Variants in STPG2 observed in about 807,000 individuals in gnomAD.
The protein encoded by STPG2 is sperm tail PG-rich repeat containing 2.
STPG2 carries 56 observed loss-of-function variants against 54.2 expected under a neutral mutation model. That is an observed-to-expected ratio of 1.03 (90% CI 0.83 to 1.29). The LOEUF (loss-of-function observed/expected upper bound fraction) is 1.29. STPG2 is among the 50% of genes most tolerant of loss of function. The pLI is 0.00. For missense variants in STPG2, 596 were observed against 544.9 expected, an observed-to-expected ratio of 1.09 and a Z score of -0.93; for synonymous variants, 200 against 181.8, an observed-to-expected ratio of 1.10 and a Z score of -0.81.
At chr4:97,880,288 A>C (rs1351103302) in intron 8 of STPG2, among the ~76,000 whole-genome samples, 1 of 152,206 alleles carries the variant, frequency 6.6e-6, no homozygotes, top group Non-Finnish European at 1.5e-5. Flanking sequence ...GGTTCATTTG[A>C]AGCTTCTCAT....
At chr4:97,688,626 A>C (rs1723272652) in intron 10 of STPG2, among the ~76,000 whole-genome samples, 1 of 152,114 alleles carries the variant, frequency 6.6e-6, no homozygotes, top group African/African-American at 2.4e-5. Context: ...CAAAGTTTTT[A>C]ATAAGATCTT....
chr4:98,073,327 C>G (rs1432302780), intron 5 of STPG2, among the ~76,000 whole-genome samples: 1 of 152,122 alleles, frequency 6.6e-6, no homozygotes, highest in Non-Finnish European at 1.5e-5. Context: ...AGGCACTATG[C>G]TAGAATTTTC....
At chr4:98,101,996 T>C (rs980749529) in intron 5 of STPG2, among the ~76,000 whole-genome samples, 2 of 152,106 alleles carry the variant, frequency 1.3e-5, no homozygotes, top group Admixed American at 1.3e-4. Context: ...AGCCCTACAA[T>C]ACAGGTTTCT....
chr4:97,479,617 G>A (rs1244173709), intron 4 of STPG2, among the ~76,000 whole-genome samples: 1 of 151,862 alleles, frequency 6.6e-6, no homozygotes, highest in Admixed American at 6.6e-5. Flanking sequence ...GAGTCATTAA[G>A]ACATTCCACA....
chr4:97,681,299 C>T (rs182744913), intron 10 of STPG2, among the ~76,000 whole-genome samples: 5 of 151,470 alleles, frequency 3.3e-5, no homozygotes, highest in East Asian at 1.9e-4. Flanking sequence ...ATTTTATGTT[C>T]GATATAGAAC....
At chr4:97,821,378 G>T (rs1256016037) in intron 9 of STPG2, among the ~76,000 whole-genome samples, 1 of 152,184 alleles carries the variant, frequency 6.6e-6, no homozygotes, top group African/African-American at 2.4e-5. Context: ...GCAGGATACA[G>T]CCCCTGCAAC....
chr4:97,675,974 AATATACTATATATATAAAACATAT>A (rs1722828612), intron 10 of STPG2, among the ~76,000 whole-genome samples: 1 of 146,322 alleles, frequency 6.8e-6, no homozygotes, highest in Non-Finnish European at 1.5e-5. Context: ...ATATATAGAC[AATATACTATATATATAAAACATAT>A]ATATACTATA....
chr4:97,951,079 C>A (rs927172051), intron 7 of STPG2, among the ~76,000 whole-genome samples: 1 of 152,162 alleles, frequency 6.6e-6, no homozygotes, highest in African/African-American at 2.4e-5. Flanking sequence ...GTGGCCCCCA[C>A]CCAGGGACTG....
intron 4 of STPG2, among the ~76,000 whole-genome samples, chr4:97,531,421 A>G (rs940759853): frequency 6.6e-6 from 1 of 152,238 alleles, no homozygotes; most frequent in African/African-American, 2.4e-5. Context: ...TACTTGTTGC[A>G]GCACTGTTCA....
At chr4:98,114,472 G>A (rs1739451481) in intron 3 of STPG2, among the ~76,000 whole-genome samples, 1 of 151,880 alleles carries the variant, frequency 6.6e-6, no homozygotes. Context: ...CTATACATTT[G>A]TCAAAAAATC....
At chr4:97,571,824 C>A (rs1287436929) in intron 10 of STPG2, among the ~76,000 whole-genome samples, 1 of 152,104 alleles carries the variant, frequency 6.6e-6, no homozygotes, top group Non-Finnish European at 1.5e-5. Context: ...ATTTGGCTCA[C>A]AATAAATCTC....
At chr4:98,064,998 C>G (rs1463118767) in intron 5 of STPG2, among the ~76,000 whole-genome samples, 4 of 152,166 alleles carry the variant, frequency 2.6e-5, no homozygotes, top group Non-Finnish European at 4.4e-5. Flanking sequence ...CTCCTGGGCT[C>G]AAGCCTTCCT....
chr4:97,751,658 T>C (rs1725583897), intron 9 of STPG2, among the ~76,000 whole-genome samples: 1 of 151,738 alleles, frequency 6.6e-6, no homozygotes, highest in South Asian at 2.1e-4. Flanking sequence ...ATTCACTGTG[T>C]CAAATAAACA....
intron 4 of STPG2, among the ~76,000 whole-genome samples, chr4:97,448,370 T>A (rs554546641): frequency 5.3e-5 from 8 of 152,262 alleles, no homozygotes; most frequent in South Asian, 2.1e-4. Flanking sequence ...AGGGACAGAA[T>A]GATATGGTTT....
chr4:97,664,395 C>T (rs1182183620), intron 10 of STPG2, among the ~76,000 whole-genome samples: 1 of 152,170 alleles, frequency 6.6e-6, no homozygotes, highest in African/African-American at 2.4e-5. Context: ...CTAATATAAG[C>T]CAGGCACTTC....
At chr4:97,957,942 A>G (rs1301449224) in intron 7 of STPG2, among the ~76,000 whole-genome samples, 1 of 152,150 alleles carries the variant, frequency 6.6e-6, no homozygotes, top group Admixed American at 6.6e-5. Flanking sequence ...AACAAATCCC[A>G]GAAGCACATC....
chr4:97,463,082 C>T (rs566295528), intron 4 of STPG2, among the ~76,000 whole-genome samples: 1 of 152,048 alleles, frequency 6.6e-6, no homozygotes, highest in African/African-American at 2.4e-5. Context: ...CACCATTATT[C>T]TGTATGCAAA....
chr4:97,823,188 G>A (rs912743547), intron 9 of STPG2, among the ~76,000 whole-genome samples: 1 of 152,220 alleles, frequency 6.6e-6, no homozygotes, highest in Admixed American at 6.5e-5. Context: ...AGACAAAACA[G>A]TCTTATAATA....
At chr4:97,872,191 A>G (rs765315254) in intron 8 of STPG2, among the ~76,000 whole-genome samples, 22 of 151,302 alleles carry the variant, frequency 1.5e-4, no homozygotes, top group African/African-American at 5.1e-4. Context: ...ATTTCACTCA[A>G]TCAGGAAGTG....
Sources: allele counts gnomAD v4.1 joint callset (sites outside exome capture counted in the v4.1 genomes callset), GRCh38; gene constraint gnomAD v4.1.1; transcripts MANE v1.5; gene names NCBI Gene and HGNC (gene_info 2026-07-23, HGNC 2026-07-21).